TAS2R1: variants seen among roughly 807,000 people sequenced by gnomAD.
The protein encoded by TAS2R1 is taste 2 receptor member 1, also known as taste receptor type 2 member 1.
For missense variants in TAS2R1, 370 were observed against 353.4 expected (o/e 1.05, Z -0.38); for synonymous variants, 141 against 134.2 (o/e 1.05, Z -0.35).
chr5:9,836,772 G>A, the TAS2R1 span, among the ~76,000 whole-genome samples: 1 of 152,138 alleles, frequency 6.6e-6, no homozygotes, highest in African/African-American at 2.4e-5. Flanking sequence ...ATCTCAGCCT[G>A]CTCCAGGGAC....
intron 1 of TAS2R1, among the ~76,000 whole-genome samples, chr5:9,698,110 G>A (rs1473023698): frequency 1.3e-5 from 2 of 151,916 alleles, no homozygotes; most frequent in African/African-American, 2.4e-5. Context: ...AAAGCACTAA[G>A]GAATAAATTC....
chr5:9,844,222 T>G, the TAS2R1 span, among the ~76,000 whole-genome samples: 31 of 152,226 alleles, frequency 2.0e-4, no homozygotes, highest in African/African-American at 7.2e-4. Flanking sequence ...GCCATTTTTC[T>G]ATTATATTAG....
chr5:9,804,631 G>C, the TAS2R1 span, among the ~76,000 whole-genome samples: 1 of 152,092 alleles, frequency 6.6e-6, no homozygotes, highest in East Asian at 1.9e-4. Context: ...TAAACAACCT[G>C]TTCCTGAATA....
the TAS2R1 span, among the ~76,000 whole-genome samples, chr5:9,840,870 T>A: frequency 0.066 from 1,125 of 17,002 alleles, 28 homozygotes; most frequent in African/African-American, 0.21. Flanking sequence ...TTTTTTTTTT[T>A]TTTTTTTTTT....
intron 2 of TAS2R1, chr5:9,658,764 G>T (rs191286343): frequency 6.6e-6 from 1 of 152,218 alleles, no homozygotes. Context: ...CAACTCTATT[G>T]CAGCAAGTAT....
chr5:9,640,521 A>AAAC (rs1740059238), intron 2 of TAS2R1, among the ~76,000 whole-genome samples: 2 of 148,514 alleles, frequency 1.3e-5, no homozygotes, highest in Non-Finnish European at 3.0e-5. Context: ...AAAAAAAAAA[A>AAAC]ACAGTACCTG....
At chr5:9,821,546 CAACTGA>C in the TAS2R1 span, among the ~76,000 whole-genome samples, 1 of 152,116 alleles carries the variant, frequency 6.6e-6, no homozygotes, top group Non-Finnish European at 1.5e-5. Flanking sequence ...AGGCTAGGAC[CAACTGA>C]AATGAAGAAA....
At chr5:9,653,000 G>A (rs533313255) in intron 2 of TAS2R1, among the ~76,000 whole-genome samples, 42 of 152,154 alleles carry the variant, frequency 2.8e-4, no homozygotes, top group African/African-American at 9.9e-4. Flanking sequence ...TTTTCACTTT[G>A]GAATCTGAAG....
chr5:9,851,438 T>C, the TAS2R1 span, among the ~76,000 whole-genome samples: 1 of 152,016 alleles, frequency 6.6e-6, no homozygotes, highest in African/African-American at 2.4e-5. Context: ...TGGTCTTTTT[T>C]GAGACACTAA....
At chr5:9,651,374 G>A (rs1373559241) in intron 2 of TAS2R1, among the ~76,000 whole-genome samples, 1 of 152,128 alleles carries the variant, frequency 6.6e-6, no homozygotes, top group Non-Finnish European at 1.5e-5. Flanking sequence ...GCTTGGGTTG[G>A]AGAGACATAG....
intron 1 of TAS2R1, among the ~76,000 whole-genome samples, chr5:9,682,662 G>A (rs938765300): frequency 6.6e-6 from 1 of 152,176 alleles, no homozygotes; most frequent in African/African-American, 2.4e-5. Flanking sequence ...TCACAGGGCA[G>A]ATCATGCACC....
chr5:9,834,051 G>A, the TAS2R1 span, among the ~76,000 whole-genome samples: 1 of 152,182 alleles, frequency 6.6e-6, no homozygotes, highest in African/African-American at 2.4e-5. Flanking sequence ...GATGGATTCA[G>A]CTCCCCAGCT....
chr5:9,799,848 G>T, the TAS2R1 span, among the ~76,000 whole-genome samples: 1 of 152,124 alleles, frequency 6.6e-6, no homozygotes, highest in Non-Finnish European at 1.5e-5. Flanking sequence ...CCTCTCAATG[G>T]CATTTTGAGG....
chr5:9,763,703 C>T, the TAS2R1 span, among the ~76,000 whole-genome samples: 1 of 152,014 alleles, frequency 6.6e-6, no homozygotes, highest in Non-Finnish European at 1.5e-5. Context: ...ATCGGAAGAA[C>T]AAAGGAATGA....
chr5:9,770,429 TG>T, the TAS2R1 span, among the ~76,000 whole-genome samples: 2 of 152,156 alleles, frequency 1.3e-5, no homozygotes, highest in African/African-American at 4.8e-5. Context: ...ATTTTAGGAT[TG>T]TTTTTTCTAT....
the TAS2R1 span, among the ~76,000 whole-genome samples, chr5:9,872,938 CTAA>C: frequency 6.6e-6 from 1 of 152,090 alleles, no homozygotes; most frequent in African/African-American, 2.4e-5. Context: ...ATGCTCTGGC[CTAA>C]TAATAATTGC....
intron 2 of TAS2R1, chr5:9,645,774 A>G (rs1244274022): frequency 6.6e-6 from 1 of 152,220 alleles, no homozygotes; most frequent in Non-Finnish European, 1.5e-5. Context: ...ACCATGAGAG[A>G]AGGACTTCAG....
At chr5:9,848,551 T>C in the TAS2R1 span, among the ~76,000 whole-genome samples, 3 of 152,174 alleles carry the variant, frequency 2.0e-5, no homozygotes, top group Non-Finnish European at 2.9e-5. Flanking sequence ...TTAATAATAA[T>C]GTATTACATA....
At chr5:9,694,455 G>T (rs1741317251) in intron 1 of TAS2R1, among the ~76,000 whole-genome samples, 1 of 152,128 alleles carries the variant, frequency 6.6e-6, no homozygotes, top group Admixed American at 6.5e-5. Context: ...ATGGGATTTT[G>T]TTACCCTACT....
Sources: gnomAD v4.1 joint callset for allele counts (sites outside exome capture counted in the v4.1 genomes callset) on GRCh38, gnomAD v4.1.1 for gene constraint, MANE v1.5 for transcripts, NCBI Gene and HGNC (gene_info 2026-07-23, HGNC 2026-07-21) for gene names.